UGT1A6: variants seen among roughly 807,000 people sequenced by gnomAD.
UGT1A6 encodes UDP-glucuronosyltransferase 1A6.
Under a neutral mutation model 44.4 loss-of-function variants are expected in UGT1A6, and 32 were observed. That is an observed-to-expected ratio of 0.72 (90% CI 0.54 to 0.97). The LOEUF (loss-of-function observed/expected upper bound fraction) is 0.97, where lower values mean the gene tolerates loss of function less well. UGT1A6 is among the 50% of genes least tolerant of loss of function. The pLI is 0.00. For missense variants in UGT1A6, 685 were observed against 661.9 expected, an observed-to-expected ratio of 1.03 and a Z score of -0.38; for synonymous variants, 238 against 248.5, an observed-to-expected ratio of 0.96 and a Z score of 0.40.
intron 1 of UGT1A6, among the ~76,000 whole-genome samples, chr2:233,724,038 C>T (rs2077157253): frequency 1.1e-5 from 1 of 87,686 alleles, no homozygotes. Flanking sequence ...TCTCAATGAG[C>T]TGTTGGGCAC....
chr2:233,692,498 G>C (rs2075098283), upstream of UGT1A6, among the ~76,000 whole-genome samples: 1 of 152,182 alleles, frequency 6.6e-6, no homozygotes, highest in Non-Finnish European at 1.5e-5. Context: ...GTAGGACTGA[G>C]CCCTTAACCT....
chr2:233,746,462 G>C (rs1030213757), intron 1 of UGT1A6, among the ~76,000 whole-genome samples: 10 of 151,612 alleles, frequency 6.6e-5, no homozygotes, highest in Admixed American at 3.9e-4. Context: ...CCTTCAAAAG[G>C]GTTCCAGAAA....
At chr2:233,693,986 G>C in intron 1 of UGT1A6, 121 bp downstream of exon 1, 11 of 1,543,072 alleles carry the variant, frequency 7.1e-6, no homozygotes, top group Non-Finnish European at 9.6e-6. Context: ...GTGGGGGGAA[G>C]TGATACCCGG....
intron 1 of UGT1A6, chr2:233,743,998 C>G (rs1199821485): frequency 8.1e-7 from 1 of 1,233,642 alleles, no homozygotes; most frequent in African/African-American, 1.6e-5. Context: ...CCCGAGTGCT[C>G]GGAGACCTGG....
At chr2:233,694,261 A>T (rs911219810) in intron 1 of UGT1A6, among the ~76,000 whole-genome samples, 1 of 151,758 alleles carries the variant, frequency 6.6e-6, no homozygotes, top group South Asian at 2.1e-4. Flanking sequence ...GGGACCAGCG[A>T]ACTACAGCCT....
rs771123027 is a variant in UGT1A6 at position 233,693,613 on chromosome 2, G to C, written c.609G>C (p.Met203Ile). ...GCTACACAAAGTTTTCAGACCACAT[G>C]ACTTTTTCCCAACGAGTGGCCAACT... Reference protein sequence around the residue: ...PRCYTKFSDHMTFSQRVANFL... With the variant: ...PRCYTKFSDHITFSQRVANFL... The change falls in exon 1 of 5, where the codon ATG (methionine) becomes ATC (isoleucine). Residue 203 changes from methionine (M) to isoleucine (I), a missense_variant. Coordinates refer to ENST00000305139, the MANE Select transcript of UGT1A6 (RefSeq NM_001072.4). The C allele has an allele frequency of 6.2e-7, 1 of 1,614,196 alleles. No homozygotes were observed. The highest frequency in any genetic ancestry group is 1.1e-5 in the South Asian group (1 of 91,080).
In UGT1A6 at chr2:233,719,687, G is replaced by A. The variant is rs769294499; in HGVS notation, c.861+25822G>A. On this transcript the variant is annotated intron_variant, in intron 1 of 4. Coordinates refer to ENST00000305139, the MANE Select transcript of UGT1A6 (RefSeq NM_001072.4). ...GTGCCAACGGGAAGCCACTATCTCA[G>A]GTCTGTATTGGTGCCTTCATCCAAT... 1.5e-5 allele frequency: 25 copies of A among 1,613,862 alleles called. No homozygotes were observed. The African/African-American group carries it at 2.7e-4, about 17-fold the overall frequency.
chr2:233,740,162 T>C (rs747087545), intron 1 of UGT1A6, among the ~76,000 whole-genome samples: 1 of 151,900 alleles, frequency 6.6e-6, no homozygotes, highest in Non-Finnish European at 1.5e-5. Context: ...TCCCCAGTCA[T>C]GTGGAACTGT....
intron 1 of UGT1A6, chr2:233,748,151 T>G (rs1288204203): frequency 6.9e-6 from 11 of 1,604,706 alleles, no homozygotes; most frequent in Admixed American, 3.3e-5. Context: ...TTACTTACAA[T>G]TGCTTCCATA....
In UGT1A6 at chr2:233,760,429, C is replaced by G. The variant is rs747942373; in HGVS notation, c.862-6605C>G. 87 of 1,614,090 alleles carry G rather than the reference C, an allele frequency of 5.4e-5. No homozygotes were observed. The highest frequency in any genetic ancestry group is 6.6e-5 in the Non-Finnish European group (78 of 1,180,040). On this transcript the variant is annotated intron_variant, in intron 1 of 4. Coordinates refer to ENST00000305139, the MANE Select transcript of UGT1A6 (RefSeq NM_001072.4). The stretch of plus-strand genomic sequence containing the variant: ...CTGGCTGAGCATGCTTGGGGCCATC[C>G]AGCAGCTGCAGCAGAGGGGACATGA...
intron 1 of UGT1A6, chr2:233,729,851 A>C: frequency 6.2e-7 from 1 of 1,613,640 alleles, no homozygotes; most frequent in African/African-American, 1.3e-5. Context: ...TTTCAGAGAG[A>C]GGTGTCAGTG....
In UGT1A6 at chr2:233,725,175, T is replaced by TG. The variant is rs1374547834; in HGVS notation, c.861+31314dup. On this transcript the variant is annotated intron_variant, in intron 1 of 4. Transcript: ENST00000305139. ...TCGGCTCTGCATGAGAGGGAGACCG[T>TG]GGGGAGAGGCAGAGGCAGAGGCAGA... Among the ~76,000 whole-genome samples the TG allele has an allele frequency of 1.3e-4, 11 of 81,994 alleles. 2 individuals are homozygous for TG. In the East Asian group the frequency reaches 2.4e-3, roughly 18 times the overall value. 53.8% of individuals were successfully genotyped at this position (81,994 alleles called of 152,430 possible). A position where few individuals can be genotyped will look rare whatever the true frequency, so the allele number is the denominator to read the frequency against.
At chr2:233,747,833 C>T (rs1236031323) in intron 1 of UGT1A6, 1 of 1,613,530 alleles carries the variant, frequency 6.2e-7, no homozygotes, top group Non-Finnish European at 8.5e-7. Context: ...ACATGACATT[C>T]CTGCAAAGGG....
At chr2:233,771,313 C>G (rs1428095504) in intron 4 of UGT1A6, 1 of 152,138 alleles carries the variant, frequency 6.6e-6, no homozygotes, top group Non-Finnish European at 1.5e-5. Context: ...CCTTTTCCCT[C>G]TCCTCTTCAA....
chr2:233,727,030 G>T (rs2077579042), intron 1 of UGT1A6, among the ~76,000 whole-genome samples: 1 of 152,072 alleles, frequency 6.6e-6, no homozygotes, highest in South Asian at 2.1e-4. Flanking sequence ...TGTACCCTAA[G>T]GAATCTTTAC....
chr2:233,745,309 A>G (rs1470353088), intron 1 of UGT1A6, among the ~76,000 whole-genome samples: 1 of 151,872 alleles, frequency 6.6e-6, no homozygotes, highest in African/African-American at 2.4e-5. Context: ...TGCAGTGATT[A>G]TTTCCACTAG....
chr2:233,754,845 G>C, intron 1 of UGT1A6: 5 of 1,344,470 alleles, frequency 3.7e-6, no homozygotes, highest in Non-Finnish European at 5.0e-6. Context: ...ACTGAAGGCA[G>C]AGAAAAGGGG....
intron 1 of UGT1A6, chr2:233,719,408 G>C (rs762624701): frequency 6.2e-7 from 1 of 1,613,826 alleles, no homozygotes. Flanking sequence ...ATATTCCTAA[G>C]TTACTAACGA....
chr2:233,719,580 G>C, intron 1 of UGT1A6: 1 of 1,613,916 alleles, frequency 6.2e-7, no homozygotes, highest in Non-Finnish European at 8.5e-7. Context: ...CTATGCATCC[G>C]TGTGGCTGTT....
Sources: allele counts gnomAD v4.1 joint callset (sites outside exome capture counted in the v4.1 genomes callset), GRCh38; gene constraint gnomAD v4.1.1; transcripts MANE v1.5; gene names NCBI Gene and HGNC (gene_info 2026-07-23, HGNC 2026-07-21).